The following STARD10 variants were observed in gnomAD, a reference collection of about 807,000 sequenced individuals.
STARD10 encodes START domain-containing protein 10.
A neutral mutation model predicts 36.0 loss-of-function variants in STARD10; 24 were observed. That is an observed-to-expected ratio of 0.67 (90% CI 0.48 to 0.94). The LOEUF (loss-of-function observed/expected upper bound fraction) is 0.94. STARD10 is among the 40% of genes least tolerant of loss of function. The pLI, the probability that STARD10 is intolerant of heterozygous loss-of-function variation, is 0.00. For missense variants in STARD10, 335 were observed against 396.6 expected (o/e 0.84, Z 1.32); for synonymous variants, 156 against 161.9 (o/e 0.96, Z 0.28).
At chr11:72,772,914 A>G (rs1858881538) in intron 2 of STARD10, among the ~76,000 whole-genome samples, 1 of 152,084 alleles carries the variant, frequency 6.6e-6, no homozygotes, top group Non-Finnish European at 1.5e-5. Flanking sequence ...TGCCAGTCAT[A>G]TACTCACTCA....
intron 1 of STARD10, 124 bp downstream of exon 1, chr11:72,792,751 A>G (rs1178826485): frequency 6.6e-6 from 1 of 152,518 alleles, no homozygotes; most frequent in Non-Finnish European, 1.5e-5. Flanking sequence ...TGAGTACCCA[A>G]TTCCTCCCAA....
At chr11:72,788,491 T>C (rs1429196427) in intron 1 of STARD10, among the ~76,000 whole-genome samples, 3 of 152,116 alleles carry the variant, frequency 2.0e-5, no homozygotes, top group Non-Finnish European at 4.4e-5. Context: ...AGGCAGTGCC[T>C]TGGGTGTAAG....
At position 72,757,857 on chromosome 11, in the gene STARD10, G is replaced by T. The variant is rs756222550; in HGVS notation, c.487C>A (p.Arg163=). ...TAGCCCGTCTGGATGGACACAGCTC[G>T]GACCAAGTCTTTCCGAGGTGGGTAT... ...PKYPPRKDLV[R]AVSIQTGYLI... is the part of the protein sequence containing the mutation. Residue 163 remains arginine, a synonymous_variant, in exon 5 of 7, where the codon CGA becomes AGA. Transcript: ENST00000334805. 1 of 1,614,200 alleles carries T rather than the reference G, an allele frequency of 6.2e-7. No homozygotes were observed. The highest frequency in any genetic ancestry group is 8.5e-7 in the Non-Finnish European group (1 of 1,180,016).
intron 1 of STARD10, among the ~76,000 whole-genome samples, chr11:72,791,770 TAAGTG>T (rs1319072171): frequency 6.6e-6 from 1 of 151,932 alleles, no homozygotes; most frequent in African/African-American, 2.4e-5. Context: ...ACAGAAATGA[TAAGTG>T]AAGGCCCAGA....
intron 2 of STARD10, among the ~76,000 whole-genome samples, chr11:72,770,323 T>G (rs1858839254): frequency 6.6e-6 from 1 of 152,158 alleles, no homozygotes; most frequent in African/African-American, 2.4e-5. Context: ...GGCTCAAGGA[T>G]TCTCGTACCT....
At chr11:72,768,841 G>A (rs1391582604) in intron 2 of STARD10, among the ~76,000 whole-genome samples, 1 of 152,244 alleles carries the variant, frequency 6.6e-6, no homozygotes, top group Non-Finnish European at 1.5e-5. Flanking sequence ...AGGGGGCCTG[G>A]CCTACAGCAG....
In STARD10 at chr11:72,770,365, G is replaced by A. The variant is rs148492444; in HGVS notation, c.207+10610C>T. ...CCTGAGTAGCTGGGATTACAGGTGT[G>A]TGCCATCGCGCCCGGCTAATTTTTG... On this transcript the variant is annotated intron_variant, in intron 2 of 6. Transcript: ENST00000334805. 3.3e-5 allele frequency among the ~76,000 whole-genome samples: 5 copies of A among 152,260 alleles called. No individual in the cohort carries two copies. The East Asian group carries it at 9.6e-4, about 29-fold the overall frequency.
chr11:72,759,068 A>T, intron 3 of STARD10, 166 bp downstream of exon 3: 1 of 717,776 alleles, frequency 1.4e-6, no homozygotes, highest in Non-Finnish European at 2.3e-6. Flanking sequence ...GTGTGTGCCT[A>T]AGGGTCTAGG....
chr11:72,759,890 C>G (rs1270835532), intron 2 of STARD10, among the ~76,000 whole-genome samples: 1 of 152,018 alleles, frequency 6.6e-6, no homozygotes, highest in Admixed American at 6.6e-5. Context: ...TTTGTTTTTC[C>G]TTCAACAAAC....
chr11:72,788,478 G>A (rs1385951975), intron 1 of STARD10, among the ~76,000 whole-genome samples: 1 of 152,200 alleles, frequency 6.6e-6, no homozygotes, highest in East Asian at 1.9e-4. Flanking sequence ...CTCAATGTGG[G>A]TGAGGCAGTG....
At chr11:72,785,256 G>GGGA (rs1395434407) in intron 1 of STARD10, among the ~76,000 whole-genome samples, 1 of 151,912 alleles carries the variant, frequency 6.6e-6, no homozygotes, top group Non-Finnish European at 1.5e-5. Context: ...CCTACTAGCA[G>GGGA]GGACAAAGCA....
chr11:72,775,295 G>A (rs890949196), intron 2 of STARD10, among the ~76,000 whole-genome samples: 3 of 152,140 alleles, frequency 2.0e-5, no homozygotes, highest in African/African-American at 7.2e-5. Context: ...GGTGGGCCTT[G>A]GCACCTCTGC....
chr11:72,760,247 A>G (rs1444338852), intron 2 of STARD10, among the ~76,000 whole-genome samples: 2 of 150,366 alleles, frequency 1.3e-5, no homozygotes, highest in African/African-American at 4.9e-5. Context: ...ATTTATTGAG[A>G]CGGAGTTTTG....
chr11:72,759,224 G>C lies in STARD10; in HGVS notation c.355+10C>G. ...AAGGGGACTGGGATCAGCGTGCTAC[G>C]CCTGCTCACAGGAGTAATAGCCCAC... is the stretch of plus-strand genomic sequence containing the variant. On this transcript the variant is annotated intron_variant, in intron 3 of 6. Transcript: ENST00000334805. The C allele has an allele frequency of 6.2e-7, 1 of 1,613,826 alleles. No individual in the cohort carries two copies. The highest frequency in any genetic ancestry group is 8.5e-7 in the Non-Finnish European group (1 of 1,179,900).
In STARD10 at chr11:72,754,875, C is replaced by G. The variant is rs769486299; in HGVS notation, c.*22G>C. 1.9e-6 allele frequency: 3 copies of G among 1,587,772 alleles called. No individual in the cohort carries two copies. Among genetic ancestry groups the G allele is most frequent in the South Asian group, 1.1e-5 (1 of 90,200 alleles). On this transcript the variant is annotated 3_prime_UTR_variant, in exon 7 of 7. Transcript: ENST00000334805. ...CCCAGGGCTCGCCCGGTCCTGTCTC[C>G]GTCCCTGAAGCGGTGCGGCGCTCAG...
In STARD10 at chr11:72,765,816, C is replaced by CAAA. The variant is rs752801080; in HGVS notation, c.208-6438_208-6436dup. Among the ~76,000 whole-genome samples, 105 of 118,192 alleles carry CAAA rather than the reference C, an allele frequency of 8.9e-4. 2 individuals carry two copies. The highest frequency in any genetic ancestry group is 3.3e-3 in the African/African-American group (94 of 28,750). 77.5% of individuals were successfully genotyped at this position (118,192 alleles called of 152,430 possible). On this transcript the variant is annotated intron_variant, in intron 2 of 6. Coordinates refer to ENST00000334805, the MANE Select transcript of STARD10 (RefSeq NM_006645.3). ...TGAAAACCTGTCTCTACTAAAAATACAAAAAAAAAAAAAAATTAGCTGGGT... is the reference window on the plus strand; with the variant it reads ...TGAAAACCTGTCTCTACTAAAAATACAAAAAAAAAAAAAAAAAATTAGCTGGGT...
In STARD10 at chr11:72,759,357, G is replaced by A. The variant is rs1241399121; in HGVS notation, c.232C>T (p.Pro78Ser). The change falls in exon 3 of 7, where the codon CCA becomes TCA. Residue 78 changes from proline (P) to serine (S), a missense_variant. Transcript: ENST00000334805. Reference sequence around the variant, plus strand: ...AGGACGTCGTAGAGTGTCTCGGCTGGCACATCACAGCACTCCATCCGGCAC... The same window carrying A: ...AGGACGTCGTAGAGTGTCTCGGCTGACACATCACAGCACTCCATCCGGCAC... ...IKCRMECCDV[P>S]AETLYDVLHD... The A allele has an allele frequency of 6.2e-7, 1 of 1,613,664 alleles. No homozygotes were observed. Among genetic ancestry groups the A allele is most frequent in the East Asian group, 2.2e-5 (1 of 44,832 alleles).
In STARD10 at chr11:72,759,354, C is replaced by G; in HGVS notation, c.235G>C (p.Ala79Pro). ...KCRMECCDVP[A>P]ETLYDVLHDI... ...TGTAGGACGTCGTAGAGTGTCTCGG[C>G]TGGCACATCACAGCACTCCATCCGG... Residue 79 changes from alanine (A) to proline (P), a missense_variant, in exon 3 of 7, where the codon GCC becomes CCC. By Grantham distance (27) the Ala-to-Pro change is conservative. Coordinates refer to ENST00000334805, the MANE Select transcript of STARD10 (RefSeq NM_006645.3). 1 of 1,613,664 alleles carries G rather than the reference C, an allele frequency of 6.2e-7. No individual in the cohort carries two copies. The highest frequency in any genetic ancestry group is 8.5e-7 in the Non-Finnish European group (1 of 1,179,876).
chr11:72,755,355 G>C, intron 6 of STARD10: 1 of 583,036 alleles, frequency 1.7e-6, no homozygotes, highest in South Asian at 2.1e-5. Context: ...GTGTGGCCCA[G>C]GCTGGAGTGC....
Sources: gnomAD v4.1 joint callset for allele counts (sites outside exome capture counted in the v4.1 genomes callset) on GRCh38, gnomAD v4.1.1 for gene constraint, MANE v1.5 for transcripts, NCBI Gene and HGNC (gene_info 2026-07-23, HGNC 2026-07-21) for gene names.